LRRC46: variants seen among roughly 807,000 people sequenced by gnomAD.
The protein encoded by LRRC46 is leucine rich repeat containing 46.
LRRC46 carries 20 observed loss-of-function variants against 28.0 expected under a neutral mutation model. That is an observed-to-expected ratio of 0.71 (90% confidence interval 0.50 to 1.04). LRRC46 has a LOEUF of 1.04. Among genes scored for constraint, LRRC46 ranks in the 50% least tolerant of loss-of-function variants. LRRC46 has a pLI of 0.00. For missense variants in LRRC46, 315 were observed against 390.1 expected (o/e 0.81, Z 1.62); for synonymous variants, 156 against 158.8 (o/e 0.98, Z 0.13).
In LRRC46 at chr17:47,837,465, C is replaced by A. The variant is rs530850345; in HGVS notation, c.*345C>A. On this transcript the variant is annotated 3_prime_UTR_variant, in exon 8 of 8. Coordinates refer to ENST00000269025, the MANE Select transcript of LRRC46 (RefSeq NM_033413.4). ...CATGCCATCTCACTGCCACCCCTAG[C>A]GAGTGCCCTTCCCCGGTCCAAGCCA... 2 of 404,900 alleles carry A rather than the reference C, an allele frequency of 4.9e-6. No homozygotes were observed. Among genetic ancestry groups the A allele is most frequent in the African/African-American group, 2.1e-5 (1 of 47,032 alleles). 25.1% of individuals were successfully genotyped at this position (404,900 alleles called of 1,614,324 possible). A position where few individuals can be genotyped will look rare whatever the true frequency, so the allele number is the denominator to read the frequency against.
Position 47,831,676 on chromosome 17 carries a change from C to A in LRRC46, c.-314C>A. The A allele has an allele frequency of 1.4e-6, 1 of 701,150 alleles. No homozygotes were observed. 43.4% of individuals were successfully genotyped at this position (701,150 alleles called of 1,614,324 possible). A position where few individuals can be genotyped will look rare whatever the true frequency, so the allele number is the denominator to read the frequency against. ...AGCCCGCCTTTACCTCCCCACTCGG[C>A]GTCCAGTCTCTTAGCAACGACTCCG... On this transcript the variant is annotated 5_prime_UTR_variant, in exon 1 of 8. Transcript: ENST00000269025.
intron 3 of LRRC46, 189 bp downstream of exon 3, chr17:47,834,722 T>C: frequency 1.9e-6 from 1 of 516,320 alleles, no homozygotes. Flanking sequence ...AAATAGATCC[T>C]GAACATGACC....
Position 47,836,357 on chromosome 17 carries a change from A to T in LRRC46, c.477A>T (p.Pro159=). 6.2e-7 allele frequency: 1 copy of T among 1,614,030 alleles called. No homozygotes were observed. Among genetic ancestry groups the T allele is most frequent in the Non-Finnish European group, 8.5e-7 (1 of 1,180,006 alleles). Reference sequence around the variant, plus strand: ...GCGAGCTGGTGACAGAAGCCCTGCCACTTCTCCTGGACCTGGACGGGCAGC... The same window carrying T: ...GCGAGCTGGTGACAGAAGCCCTGCCTCTTCTCCTGGACCTGGACGGGCAGC... ...GYRELVTEAL[P]LLLDLDGQPV... Residue 159 remains proline (P), a synonymous_variant, in exon 7 of 8, where the codon CCA becomes CCT. Coordinates refer to ENST00000269025, the MANE Select transcript of LRRC46 (RefSeq NM_033413.4). The surrounding 1 kb of genome is among the most constrained non-coding windows in gnomAD (Gnocchi z 5.8).
At chr17:47,833,595 T>G (rs1418420361) in intron 2 of LRRC46, among the ~76,000 whole-genome samples, 1 of 151,582 alleles carries the variant, frequency 6.6e-6, no homozygotes, top group Non-Finnish European at 1.5e-5. Context: ...ACTACAGGTG[T>G]GCGCCACCAC....
rs774195453 is a variant in LRRC46, at chr17:47,836,716, C to T, written c.596-34C>T. The stretch of plus-strand genomic sequence containing the variant: ...CCTCCTGCTGAGCCCAGGGCTCCAC[C>T]CACCCTGTACCCTCCACCCCCGGCC... On this transcript the variant is annotated intron_variant, in intron 7 of 7. Coordinates refer to ENST00000269025, the MANE Select transcript of LRRC46 (RefSeq NM_033413.4). This position sits in a 1 kb window ranked among gnomAD's most constrained non-coding sequence, Gnocchi z 5.8. 1.0e-5 allele frequency: 16 copies of T among 1,605,196 alleles called. No homozygotes were observed. The highest frequency in any genetic ancestry group is 1.3e-5 in the African/African-American group (1 of 74,366).
chr17:47,835,690 A>G lies in LRRC46; in HGVS notation c.297A>G (p.Gln99=). The G allele has an allele frequency of 1.9e-6, 3 of 1,614,138 alleles. No homozygotes were observed. The highest frequency in any genetic ancestry group is 2.5e-6 in the Non-Finnish European group (3 of 1,180,020). The part of the protein sequence containing the change: ...SLRFLSLAGN[Q]IRQVENLLDL... ...GCTTCCTGTCTCTGGCAGGAAACCA[A>G]ATCAGGCAGGTGGAAAACCTCCTCG... The change falls in exon 5 of 8, where the codon CAA becomes CAG. Residue 99 remains glutamine, a synonymous_variant. Coordinates refer to ENST00000269025, the MANE Select transcript of LRRC46 (RefSeq NM_033413.4).
rs771039838 is a variant in LRRC46 at position 47,831,811 on chromosome 17, A to C, written c.-179A>C. 101 of 757,544 alleles carry C rather than the reference A, an allele frequency of 1.3e-4. No homozygotes were observed. Among genetic ancestry groups the C allele is most frequent in the Non-Finnish European group, 2.1e-4 (95 of 459,506 alleles). 46.9% of individuals were successfully genotyped at this position (757,544 alleles called of 1,614,324 possible). On this transcript the variant is annotated 5_prime_UTR_variant, in exon 1 of 8. Coordinates refer to ENST00000269025, the MANE Select transcript of LRRC46 (RefSeq NM_033413.4). ...AACTCCAGACCCTTCACATCAATTT[A>C]CTGTTTTCTTCGACCTCACCCCAGC...
In LRRC46 at chr17:47,835,787, C is replaced by G. The variant is rs771747293; in HGVS notation, c.382+12C>G. The stretch of plus-strand genomic sequence containing the variant: ...AACATTGAAGCTGGGTAGGAACCCA[C>G]TCGCCCTGGCTCACCAAACACATCC... On this transcript the variant is annotated intron_variant, in intron 5 of 7. Coordinates refer to ENST00000269025, the MANE Select transcript of LRRC46 (RefSeq NM_033413.4). The G allele has an allele frequency of 6.2e-7, 1 of 1,606,208 alleles. No homozygotes were observed. Among genetic ancestry groups the G allele is most frequent in the Non-Finnish European group, 8.5e-7 (1 of 1,172,812 alleles).
chr17:47,834,584 C>T, intron 3 of LRRC46, 51 bp downstream of exon 3: 1 of 1,290,446 alleles, frequency 7.7e-7, no homozygotes, highest in Non-Finnish European at 1.1e-6. Flanking sequence ...TGGACCTAAT[C>T]TGTCTCATCT....
chr17:47,834,959 G>A (rs970784544), intron 3 of LRRC46: 8 of 226,738 alleles, frequency 3.5e-5, no homozygotes, highest in East Asian at 1.2e-4. Context: ...TTCCCAGCTC[G>A]CTTCAACTTT....
Position 47,837,417 on chromosome 17 carries a change from C to G in LRRC46, c.*297C>G. On this transcript the variant is annotated 3_prime_UTR_variant, in exon 8 of 8. Coordinates refer to ENST00000269025, the MANE Select transcript of LRRC46 (RefSeq NM_033413.4). Reference sequence around the variant, plus strand: ...TCCTGGCTCCCACTTGGGCAGGAAGCGGGCACCACCTCATGGAAGAGGCAT... The same window carrying G: ...TCCTGGCTCCCACTTGGGCAGGAAGGGGGCACCACCTCATGGAAGAGGCAT... 2 of 439,186 alleles carry G rather than the reference C, an allele frequency of 4.6e-6. No homozygotes were observed. The highest frequency in any genetic ancestry group is 8.0e-6 in the Non-Finnish European group (2 of 248,864). The allele number at this position is 439,186 out of a possible 1,614,324, so 27.2% of individuals were successfully genotyped here. A position where few individuals can be genotyped will look rare whatever the true frequency, so the allele number is the denominator to read the frequency against.
chr17:47,836,039 T>C lies in LRRC46; in HGVS notation c.389T>C (p.Phe130Ser). 2 of 1,614,056 alleles carry C rather than the reference T, an allele frequency of 1.2e-6. No individual in the cohort carries two copies. Among genetic ancestry groups the C allele is most frequent in the Non-Finnish European group, 1.7e-6 (2 of 1,179,976 alleles). ...NLIETLKLDE[F>S]PQSLLILNLS... is the part of the protein sequence containing the mutation. ...CTCTCTTTGCTGTGTGCAGATGAGT[T>C]CCCCCAGAGCCTTCTCATCCTCAAC... The change falls in exon 6 of 8, where the codon TTC becomes TCC. Residue 130 changes from phenylalanine (F) to serine (S), a missense_variant. Coordinates refer to ENST00000269025, the MANE Select transcript of LRRC46 (RefSeq NM_033413.4). The surrounding 1 kb of genome is among the most constrained non-coding windows in gnomAD (Gnocchi z 5.8).
At position 47,836,624 on chromosome 17, in the gene LRRC46, C is replaced by A; in HGVS notation, c.596-126C>A. ...GCCAGAGCCAGGTGTCAGTCCTGGG[C>A]CCCAGCCTCAGGCTCCTTCCCACAA... On this transcript the variant is annotated intron_variant, in intron 7 of 7. Coordinates refer to ENST00000269025, the MANE Select transcript of LRRC46 (RefSeq NM_033413.4). The surrounding 1 kb of genome is among the most constrained non-coding windows in gnomAD (Gnocchi z 5.8). 2 of 1,487,066 alleles carry A rather than the reference C, an allele frequency of 1.3e-6. No homozygotes were observed. Among genetic ancestry groups the A allele is most frequent in the Non-Finnish European group, 9.0e-7 (1 of 1,109,276 alleles). The allele number at this position is 1,487,066 out of a possible 1,614,324, so 92.1% of individuals were successfully genotyped here.
chr17:47,836,718 AC>A lies in LRRC46; in HGVS notation c.596-29del. 6.2e-7 allele frequency: 1 copy of A among 1,609,908 alleles called. No individual in the cohort carries two copies. The highest frequency in any genetic ancestry group is 1.7e-5 in the Admixed American group (1 of 59,534). On this transcript the variant is annotated intron_variant, in intron 7 of 7. Transcript: ENST00000269025. The surrounding 1 kb of genome is among the most constrained non-coding windows in gnomAD (Gnocchi z 5.8). Reference sequence around the variant, plus strand: ...TCCTGCTGAGCCCAGGGCTCCACCCACCCTGTACCCTCCACCCCCGGCCCCT... The same window carrying A: ...TCCTGCTGAGCCCAGGGCTCCACCCACCTGTACCCTCCACCCCCGGCCCCT...
In LRRC46 at chr17:47,837,055, C is replaced by T; in HGVS notation, c.901C>T (p.Pro301Ser). 2 of 1,607,184 alleles carry T rather than the reference C, an allele frequency of 1.2e-6. No individual in the cohort carries two copies. The highest frequency in any genetic ancestry group is 1.7e-6 in the Non-Finnish European group (2 of 1,178,348). Residue 301 changes from proline to serine, a missense_variant, in exon 8 of 8, where the codon CCC becomes TCC. Physicochemically the swap from Pro to Ser is moderately conservative, Grantham distance 74 (BLOSUM62 -1). Coordinates refer to ENST00000269025, the MANE Select transcript of LRRC46 (RefSeq NM_033413.4). ...GRKGARAATAPKASVAEAPST... is the reference protein window; with the variant it reads ...GRKGARAATASKASVAEAPST... ...GAAGGGGGCACGAGCAGCCACAGCC[C>T]CCAAGGCCTCTGTGGCTGAGGCCCC...
At chr17:47,832,553 G>A (rs2033647289) in intron 2 of LRRC46, among the ~76,000 whole-genome samples, 1 of 152,068 alleles carries the variant, frequency 6.6e-6, no homozygotes, top group Non-Finnish European at 1.5e-5. Flanking sequence ...GCTGAGCATG[G>A]TGGTGCACAC....
Position 47,837,212 on chromosome 17 carries a change from A to C in LRRC46, c.*92A>C. ...CTGTGACAGAAGCCCATCCCCAGTA[A>C]AGTGTCTCTAGGCCCTGAGTATGCT... On this transcript the variant is annotated 3_prime_UTR_variant, in exon 8 of 8. Coordinates refer to ENST00000269025, the MANE Select transcript of LRRC46 (RefSeq NM_033413.4). 1.3e-6 allele frequency: 2 copies of C among 1,522,412 alleles called. No individual in the cohort carries two copies. Among genetic ancestry groups the C allele is most frequent in the Non-Finnish European group, 1.8e-6 (2 of 1,132,392 alleles). The allele number at this position is 1,522,412 out of a possible 1,614,324, so 94.3% of individuals were successfully genotyped here.
chr17:47,833,909 T>C (rs2023799), intron 2 of LRRC46: 921,212 of 985,322 alleles, frequency 0.93, 431,196 homozygotes, highest in Non-Finnish European at 0.94. Context: ...GCCACCATGG[T>C]CAGCCTGCCC....
Position 47,837,530 on chromosome 17 carries a change from GC to G in LRRC46, c.*412del. 1 of 420,696 alleles carries G rather than the reference GC, an allele frequency of 2.4e-6. No homozygotes were observed. Among genetic ancestry groups the G allele is most frequent in the South Asian group, 3.1e-5 (1 of 32,388 alleles). 26.1% of individuals were successfully genotyped at this position (420,696 alleles called of 1,614,324 possible). ...GTGGTCCTAGTCATCCCCAACAGCA[GC>G]CAGCTCCTGTCCCCTCCCTGTCCTC... On this transcript the variant is annotated 3_prime_UTR_variant, in exon 8 of 8. Transcript: ENST00000269025.
Sources: gnomAD v4.1 joint callset for allele counts (sites outside exome capture counted in the v4.1 genomes callset) on GRCh38, gnomAD v4.1.1 for gene constraint, Gnocchi (gnomAD v3.1) non-coding constraint, MANE v1.5 for transcripts, NCBI Gene and HGNC (gene_info 2026-07-23, HGNC 2026-07-21) for gene names.